The following SIK3 variants were observed in gnomAD, a reference collection of about 807,000 sequenced individuals.
SIK3 encodes the protein serine/threonine-protein kinase SIK3.
In SIK3, 28 loss-of-function variants were observed where a neutral mutation model predicts 144.2. The ratio of observed to expected loss-of-function variants is 0.19; its 90% CI spans 0.14 to 0.27. SIK3 has a LOEUF of 0.27. Among genes scored for constraint, SIK3 ranks in the 10% least tolerant of loss-of-function variants. The pLI, the probability that SIK3 is intolerant of heterozygous loss-of-function variation, is 1.00. For synonymous variants in SIK3, 686 were observed against 676.3 expected (o/e 1.01, Z -0.22); for missense variants, 1,319 against 1,776.0 (o/e 0.74, Z 4.62).
intron 1 of SIK3, among the ~76,000 whole-genome samples, chr11:117,016,758 C>G (rs1951559655): frequency 6.6e-6 from 1 of 152,150 alleles, no homozygotes; most frequent in Non-Finnish European, 1.5e-5. Flanking sequence ...ATGGCGTATA[C>G]CTTGAATATA....
chr11:116,843,918 G>A lies in SIK3; in HGVS notation c.*1725C>T, dbSNP rs978981361. The A allele has an allele frequency of 6.6e-6, 1 of 152,172 alleles. No individual in the cohort carries two copies. The highest frequency in any genetic ancestry group is 2.4e-5 in the African/African-American group (1 of 41,442). 9.4% of individuals were successfully genotyped at this position (152,172 alleles called of 1,614,324 possible). On this transcript the variant is annotated 3_prime_UTR_variant, in exon 25 of 25. Coordinates refer to ENST00000445177, the MANE Select transcript of SIK3 (RefSeq NM_001366686.3). ...GGATCTTGGGTCCAGGAGCCGAGCT[G>A]CCAGTATCAGTGGAGAAGGACAAGG...
rs562875618 is a variant in SIK3, at chr11:116,935,285, TATTG to T, written c.455-7909_455-7906del. Among the ~76,000 whole-genome samples the T allele has an allele frequency of 1.1e-4, 16 of 151,334 alleles. No individual in the cohort carries two copies. The East Asian group carries it at 2.3e-3, about 22-fold the overall frequency. ...AATAATGATAAATTATTATTAATTA[TATTG>T]ATTATTAATACTTATTAATTTATTA... is the stretch of plus-strand genomic sequence containing the variant. On this transcript the variant is annotated intron_variant, in intron 3 of 24. Transcript: ENST00000445177.
intron 6 of SIK3, among the ~76,000 whole-genome samples, chr11:116,883,044 G>A (rs1434326967): frequency 6.6e-6 from 1 of 152,196 alleles, no homozygotes; most frequent in Non-Finnish European, 1.5e-5. Context: ...GCAATACACT[G>A]CTTGATGCTG....
intron 4 of SIK3, among the ~76,000 whole-genome samples, chr11:116,914,106 A>T (rs1358599665): frequency 6.6e-6 from 1 of 152,076 alleles, no homozygotes; most frequent in African/African-American, 2.4e-5. Context: ...GAAACAAACA[A>T]ACAAAAAAAA....
chr11:117,026,308 T>C (rs10892065), intron 1 of SIK3, among the ~76,000 whole-genome samples: 68,065 of 152,016 alleles, frequency 0.45, 18,982 homozygotes, highest in Non-Finnish European at 0.64. Flanking sequence ...GGCTATACCA[T>C]CTAGGTCTGT....
intron 15 of SIK3, among the ~76,000 whole-genome samples, chr11:116,866,260 C>T (rs1483177616): frequency 6.6e-6 from 1 of 152,148 alleles, no homozygotes; most frequent in African/African-American, 2.4e-5. Flanking sequence ...AGCTAAACAA[C>T]AGACTCAGAC....
intron 1 of SIK3, among the ~76,000 whole-genome samples, chr11:117,033,833 A>C (rs997673475): frequency 6.6e-6 from 1 of 152,184 alleles, no homozygotes; most frequent in Non-Finnish European, 1.5e-5. Context: ...GGCTCAAGGC[A>C]AATTATTAAT....
intron 1 of SIK3, among the ~76,000 whole-genome samples, chr11:116,975,698 TTCA>T (rs1200524377): frequency 1.1e-4 from 16 of 152,230 alleles, no homozygotes; most frequent in Non-Finnish European, 2.2e-4. Context: ...TGAATGTGTT[TTCA>T]CTTATCTTGG....
At chr11:116,987,309 T>C (rs1402378895) in intron 1 of SIK3, among the ~76,000 whole-genome samples, 1 of 126,474 alleles carries the variant, frequency 7.9e-6, no homozygotes, top group Non-Finnish European at 1.7e-5. Flanking sequence ...ATTGTATGTC[T>C]TCATAAAAGA....
rs768490309 is a variant in SIK3, at chr11:116,858,085, G to A, written c.3380C>T (p.Pro1127Leu). 16 of 1,613,846 alleles carry A rather than the reference G, an allele frequency of 9.9e-6. No individual in the cohort carries two copies. The highest frequency in any genetic ancestry group is 2.2e-5 in the East Asian group (1 of 44,894). ...ECVSQASSPTPPHGYAHQPAL... is the reference protein window; with the variant it reads ...ECVSQASSPTLPHGYAHQPAL... ...CGGCTGGTGAGCATACCCGTGGGGCGGGGTGGGTGAGGAAGCCTGTGAGAC... is the reference window on the plus strand; with the variant it reads ...CGGCTGGTGAGCATACCCGTGGGGCAGGGTGGGTGAGGAAGCCTGTGAGAC... Residue 1127 changes from proline to leucine, a missense_variant, in exon 21 of 25, where the codon CCG (proline) becomes CTG (leucine). Physicochemically the swap from Pro to Leu is moderately conservative, Grantham distance 98. Transcript: ENST00000445177. The surrounding 1 kb of genome is among the most constrained non-coding windows in gnomAD (Gnocchi z 5.4).
intron 1 of SIK3, among the ~76,000 whole-genome samples, chr11:116,999,579 G>GTTTTC (rs113577777): frequency 0.16 from 24,104 of 151,322 alleles, 1,999 homozygotes; most frequent in Admixed American, 0.21. Flanking sequence ...GTGGCATTTT[G>GTTTTC]TTTTCTTTTC....
chr11:117,075,002 G>A (rs4620758), intron 1 of SIK3, among the ~76,000 whole-genome samples: 47,564 of 151,466 alleles, frequency 0.31, 8,443 homozygotes, highest in African/African-American at 0.49. Flanking sequence ...GGAATACCAC[G>A]TAGCTTTTTT....
In SIK3 at chr11:117,070,502, A is replaced by C. The variant is rs186600446; in HGVS notation, c.273+27641T>G. ...ACTCTTGTCGCCCAGGCTGGAGTGC[A>C]ATGGCACGATCTCGGCTCACTGCAA... On this transcript the variant is annotated intron_variant, in intron 1 of 24. Coordinates refer to ENST00000445177, the MANE Select transcript of SIK3 (RefSeq NM_001366686.3). Among the ~76,000 whole-genome samples the C allele has an allele frequency of 9.1e-3, 1,379 of 151,472 alleles. 23 individuals carry two copies. The highest frequency in any genetic ancestry group is 0.032 in the African/African-American group (1,314 of 41,284).
intron 6 of SIK3, among the ~76,000 whole-genome samples, chr11:116,888,912 G>C (rs1387174571): frequency 6.6e-6 from 1 of 152,186 alleles, no homozygotes; most frequent in Admixed American, 6.5e-5. Context: ...ATGCTTAGCT[G>C]TTTTCTAGGA....
At chr11:117,095,327 T>C (rs1006318083) in intron 1 of SIK3, among the ~76,000 whole-genome samples, 3 of 151,746 alleles carry the variant, frequency 2.0e-5, no homozygotes, top group Admixed American at 6.6e-5. Flanking sequence ...TATATGGTTA[T>C]AAGAAAACCC....
intron 1 of SIK3, among the ~76,000 whole-genome samples, chr11:117,009,315 G>C (rs372008031): frequency 3.9e-4 from 59 of 151,664 alleles, no homozygotes; most frequent in African/African-American, 1.4e-3. Flanking sequence ...GGAGGCCAAG[G>C]AGGGAAGATT....
rs149537202 is a variant in SIK3 at position 116,997,837 on chromosome 11, T to C, written c.274-40773A>G. Among the ~76,000 whole-genome samples, 333 of 152,316 alleles carry C rather than the reference T, an allele frequency of 2.2e-3. 3 individuals are homozygous for C. The highest frequency in any genetic ancestry group is 7.5e-3 in the African/African-American group (311 of 41,574). On this transcript the variant is annotated intron_variant, in intron 1 of 24. Coordinates refer to ENST00000445177, the MANE Select transcript of SIK3 (RefSeq NM_001366686.3). ...GGACAAAAACGGCACAAGAGTGCCT[T>C]TGTTGACAGTGAATGTTAATTCCAT...
chr11:116,941,897 T>C (rs1056959926), intron 3 of SIK3, among the ~76,000 whole-genome samples: 1 of 152,202 alleles, frequency 6.6e-6, no homozygotes, highest in Non-Finnish European at 1.5e-5. Context: ...TTTACAAAAC[T>C]AACCAGTTTC....
intron 1 of SIK3, among the ~76,000 whole-genome samples, chr11:117,080,306 C>T (rs1327276093): frequency 7.0e-6 from 1 of 143,346 alleles, no homozygotes; most frequent in Non-Finnish European, 1.5e-5. Flanking sequence ...CATGGCCTTA[C>T]TTGGAGGGTG....
Sources: allele counts gnomAD v4.1 joint callset (sites outside exome capture counted in the v4.1 genomes callset), GRCh38; gene constraint gnomAD v4.1.1; non-coding constraint Gnocchi (gnomAD v3.1); transcripts MANE v1.5; gene names NCBI Gene and HGNC (gene_info 2026-07-23, HGNC 2026-07-21).